CGNL1: variants seen among roughly 807,000 people sequenced by gnomAD.
CGNL1 encodes cingulin like 1.
Under a neutral mutation model 141.2 loss-of-function variants are expected in CGNL1, and 132 were observed. That is an observed-to-expected ratio of 0.93 (90% confidence interval 0.81 to 1.08). The LOEUF (loss-of-function observed/expected upper bound fraction) is 1.08, where lower values mean the gene tolerates loss of function less well. Ranked by LOEUF, CGNL1 falls within the 50% of genes least tolerant of loss-of-function variation. The probability of loss-of-function intolerance (pLI) is 0.00; values close to 1 mark genes in which losing one functional copy is unlikely to be tolerated. For synonymous variants in CGNL1, 690 were observed against 622.1 expected (o/e 1.11, Z -1.63); for missense variants, 1,870 against 1,588.6 (o/e 1.18, Z -3.01).
At chr15:57,450,950 C>G (rs1486910480) in intron 4 of CGNL1, among the ~76,000 whole-genome samples, 1 of 152,090 alleles carries the variant, frequency 6.6e-6, no homozygotes, top group Admixed American at 6.5e-5. Context: ...TTCATAATCT[C>G]CTGATGTAGT....
chr15:57,438,843 G>A lies in CGNL1; in HGVS notation c.844G>A (p.Asp282Asn), dbSNP rs771978757. The stretch of plus-strand genomic sequence containing the variant: ...AGATGTTCTTCCCTTCCGGCGACAG[G>A]ATTCAGCGGGACCCGTCCTGGATGG... ...RPDVLPFRRQ[D>N]SAGPVLDGAR... The change falls in exon 2 of 19, where the codon GAT becomes AAT. Residue 282 changes from aspartate (D) to asparagine (N), a missense_variant. Transcript: ENST00000281282. 6 of 1,614,082 alleles carry A rather than the reference G, an allele frequency of 3.7e-6. No homozygotes were observed. The South Asian group carries it at 6.6e-5, about 18-fold the overall frequency.
At chr15:57,476,005 T>C (rs1267705366) in intron 8 of CGNL1, among the ~76,000 whole-genome samples, 1 of 152,190 alleles carries the variant, frequency 6.6e-6, no homozygotes, top group Non-Finnish European at 1.5e-5. Context: ...GCTTTGCCTG[T>C]AGTTTTTGTT....
chr15:57,413,861 G>C (rs1766106287), intron 1 of CGNL1, among the ~76,000 whole-genome samples: 1 of 152,142 alleles, frequency 6.6e-6, no homozygotes, highest in African/African-American at 2.4e-5. Context: ...ATCCCCCAGT[G>C]TCGGCATCAG....
chr15:57,426,904 C>T (rs7168642), intron 1 of CGNL1, among the ~76,000 whole-genome samples: 30,475 of 152,018 alleles, frequency 0.2, 3,317 homozygotes, highest in Middle Eastern at 0.27. Context: ...TCTGTGATGC[C>T]AGGGAGCCTG....
rs61564944 is a variant in CGNL1 at position 57,442,182 on chromosome 15, G to GAAAAAAAA, written c.1698-177_1698-170dup. Among the ~76,000 whole-genome samples the GAAAAAAAA allele has an allele frequency of 3.5e-3, 340 of 96,490 alleles. 32 individuals are homozygous for GAAAAAAAA. The highest frequency in any genetic ancestry group is 0.012 in the African/African-American group (291 of 23,290). 63.3% of individuals were successfully genotyped at this position (96,490 alleles called of 152,430 possible). ...TTGAGTGGTAACACATCATTTATTT[G>GAAAAAAAA]AAAAAAAAAAAAAAAAAAAAAGACA... On this transcript the variant is annotated intron_variant, in intron 3 of 18. Coordinates refer to ENST00000281282, the MANE Select transcript of CGNL1 (RefSeq NM_032866.5).
intron 11 of CGNL1, among the ~76,000 whole-genome samples, chr15:57,524,020 GC>G (rs2031446591): frequency 6.6e-6 from 1 of 152,176 alleles, no homozygotes; most frequent in Admixed American, 6.5e-5. Context: ...CTCAGTAGCT[GC>G]TGCTCTTTCT....
rs533945710 is a variant in CGNL1, at chr15:57,418,161, T to C, written c.-15-19824T>C. The stretch of plus-strand genomic sequence containing the variant: ...GGAGAGGAGGCTTCTTGTCTGTGGA[T>C]CAGGGATGCTGGGTTCTCAGGTGGT... On this transcript the variant is annotated intron_variant, in intron 1 of 18. Transcript: ENST00000281282. 3.9e-5 allele frequency among the ~76,000 whole-genome samples: 6 copies of C among 152,214 alleles called. No homozygotes were observed. The South Asian group carries it at 1.2e-3, about 32-fold the overall frequency.
intron 8 of CGNL1, among the ~76,000 whole-genome samples, chr15:57,488,548 G>A (rs2063815990): frequency 6.6e-6 from 1 of 152,140 alleles, no homozygotes; most frequent in Non-Finnish European, 1.5e-5. Flanking sequence ...CTACTGAAGG[G>A]GGTGCAAGAG....
In CGNL1 at chr15:57,439,319, G is replaced by A. The variant is rs1389764076; in HGVS notation, c.1320G>A (p.Val440=). Reference sequence around the variant, plus strand: ...AGGAGCGCCGTGGGAAACAGAGCGTGGGCCGCACCTTTGCAAAGCTGCAGG... The same window carrying A: ...AGGAGCGCCGTGGGAAACAGAGCGTAGGCCGCACCTTTGCAAAGCTGCAGG... ...LSQERRGKQS[V]GRTFAKLQGA... Residue 440 remains valine (V), a synonymous_variant, in exon 2 of 19, where the codon GTG becomes GTA. Transcript: ENST00000281282. 6.2e-7 allele frequency: 1 copy of A among 1,614,094 alleles called. No individual in the cohort carries two copies. Among genetic ancestry groups the A allele is most frequent in the African/African-American group, 1.3e-5 (1 of 75,036 alleles).
intron 8 of CGNL1, among the ~76,000 whole-genome samples, chr15:57,478,813 AT>A (rs1249616153): frequency 1.5e-4 from 22 of 151,654 alleles, no homozygotes; most frequent in Non-Finnish European, 2.7e-4. Flanking sequence ...TACTTTTTGT[AT>A]TTTTTTTAGA....
At chr15:57,469,231 A>T (rs1490159235) in intron 8 of CGNL1, among the ~76,000 whole-genome samples, 1 of 151,892 alleles carries the variant, frequency 6.6e-6, no homozygotes, top group East Asian at 1.9e-4. Flanking sequence ...GAAGAGAGAC[A>T]GCTGACCTGA....
chr15:57,451,744 T>A, intron 5 of CGNL1, 143 bp downstream of exon 5: 1 of 633,998 alleles, frequency 1.6e-6, no homozygotes, highest in Non-Finnish European at 2.7e-6. Context: ...AATAAATTCC[T>A]GTGTATTTGG....
chr15:57,413,449 T>C (rs2062815352), intron 1 of CGNL1, among the ~76,000 whole-genome samples: 1 of 152,104 alleles, frequency 6.6e-6, no homozygotes, highest in African/African-American at 2.4e-5. Context: ...GGCAAATTTT[T>C]GTGAAGATGG....
At chr15:57,423,120 A>T (rs2062934491) in intron 1 of CGNL1, among the ~76,000 whole-genome samples, 1 of 152,080 alleles carries the variant, frequency 6.6e-6, no homozygotes, top group Non-Finnish European at 1.5e-5. Context: ...ATAAGGAGGT[A>T]TTTCCATATG....
intron 4 of CGNL1, among the ~76,000 whole-genome samples, chr15:57,445,997 G>A (rs113896892): frequency 1.2e-3 from 182 of 152,260 alleles, no homozygotes; most frequent in African/African-American, 3.9e-3. Context: ...AGCCAATTTA[G>A]CTAACATACA....
Position 57,549,309 on chromosome 15 carries a change from G to A in CGNL1, c.*1819G>A, listed in dbSNP as rs752106488. 6.6e-6 allele frequency: 1 copy of A among 152,546 alleles called. No homozygotes were observed. Among genetic ancestry groups the A allele is most frequent in the South Asian group, 2.1e-4 (1 of 4,828 alleles). The allele number at this position is 152,546 out of a possible 1,614,324, so 9.4% of individuals were successfully genotyped here. ...GAGTTGGTGACATATATGTGGCAGA[G>A]ATGGTAGTGTTCAGCTGCTTCAGCA... On this transcript the variant is annotated 3_prime_UTR_variant, in exon 19 of 19. Coordinates refer to ENST00000281282, the MANE Select transcript of CGNL1 (RefSeq NM_032866.5).
At chr15:57,459,119 G>C (rs554363798) in intron 7 of CGNL1, among the ~76,000 whole-genome samples, 1 of 152,270 alleles carries the variant, frequency 6.6e-6, no homozygotes, top group South Asian at 2.1e-4. Context: ...TGGGTCCCCC[G>C]GTGGCAACCA....
intron 1 of CGNL1, among the ~76,000 whole-genome samples, chr15:57,418,720 G>T (rs1664436): frequency 0.15 from 23,043 of 152,060 alleles, 2,060 homozygotes; most frequent in African/African-American, 0.24. Context: ...GTGTGTTCAC[G>T]GGCCCAGGGA....
intron 1 of CGNL1, among the ~76,000 whole-genome samples, chr15:57,391,924 G>T (rs1189414268): frequency 6.6e-6 from 1 of 151,250 alleles, no homozygotes; most frequent in Non-Finnish European, 1.5e-5. Context: ...CATGTATTCT[G>T]AGATCCCATT....
Sources: gnomAD v4.1 joint callset for allele counts (sites outside exome capture counted in the v4.1 genomes callset) on GRCh38, gnomAD v4.1.1 for gene constraint, MANE v1.5 for transcripts, NCBI Gene and HGNC (gene_info 2026-07-23, HGNC 2026-07-21) for gene names.